AGPAT3: variants seen among roughly 807,000 people sequenced by gnomAD.
The protein encoded by AGPAT3 is 1-acylglycerol-3-phosphate O-acyltransferase 3.
A neutral mutation model predicts 47.3 loss-of-function variants in AGPAT3; 5 were observed. The observed-to-expected ratio is 0.11, with a 90% CI of 0.06 to 0.22. The LOEUF (loss-of-function observed/expected upper bound fraction) is 0.22, where lower values mean the gene tolerates loss of function less well. AGPAT3 is among the 10% of genes least tolerant of loss of function. The pLI, the probability that AGPAT3 is intolerant of heterozygous loss-of-function variation, is 1.00. For synonymous variants in AGPAT3, 212 were observed against 208.3 expected (o/e 1.02, Z -0.15); for missense variants, 315 against 493.0 (o/e 0.64, Z 3.42).
intron 8 of AGPAT3, among the ~76,000 whole-genome samples, chr21:43,980,737 G>A (rs928679300): frequency 1.3e-5 from 2 of 152,170 alleles, no homozygotes; most frequent in African/African-American, 2.4e-5. Flanking sequence ...TTTCTTGACC[G>A]ATTATTTTCC....
rs531156256 is a variant in AGPAT3, at chr21:43,978,844, G to A, written c.843+723G>A. 1.1e-4 allele frequency among the ~76,000 whole-genome samples: 17 copies of A among 152,224 alleles called. No individual in the cohort carries two copies. In the South Asian group the frequency reaches 3.3e-3, roughly 30 times the overall value. Reference sequence around the variant, plus strand: ...CTCAGTTCTTATTTCTTTCCCCCACGGCTTACTCAGCCCAAGAACTACTTT... The same window carrying A: ...CTCAGTTCTTATTTCTTTCCCCCACAGCTTACTCAGCCCAAGAACTACTTT... On this transcript the variant is annotated intron_variant, in intron 8 of 9. Transcript: ENST00000291572.
intron 7 of AGPAT3, among the ~76,000 whole-genome samples, chr21:43,971,787 C>T (rs1288218533): frequency 6.6e-6 from 1 of 152,208 alleles, no homozygotes; most frequent in Non-Finnish European, 1.5e-5. Flanking sequence ...AATCATTGAC[C>T]TGGCTTTCGA....
intron 2 of AGPAT3, among the ~76,000 whole-genome samples, chr21:43,918,555 C>G (rs996159063): frequency 2.7e-5 from 4 of 150,272 alleles, no homozygotes; most frequent in African/African-American, 9.8e-5. Context: ...CTTTGTGTGT[C>G]TCTGTAAATC....
intron 2 of AGPAT3, among the ~76,000 whole-genome samples, chr21:43,926,034 T>C (rs961568185): frequency 4.6e-5 from 7 of 152,228 alleles, no homozygotes; most frequent in African/African-American, 1.7e-4. Context: ...GAGAAGTCTG[T>C]GATATTTTGG....
At chr21:43,956,200 A>G (rs1357587211) in intron 2 of AGPAT3, among the ~76,000 whole-genome samples, 2 of 152,204 alleles carry the variant, frequency 1.3e-5, no homozygotes, top group African/African-American at 4.8e-5. Flanking sequence ...CTCTAGCTCA[A>G]GAAAGGCGTT....
At chr21:43,962,298 G>A (rs929080440) in intron 3 of AGPAT3, among the ~76,000 whole-genome samples, 7 of 152,036 alleles carry the variant, frequency 4.6e-5, no homozygotes, top group Non-Finnish European at 8.8e-5. Context: ...CACCGCGCCC[G>A]GCCAGTTTGT....
In AGPAT3 at chr21:43,955,767, A is replaced by G. The variant is rs529395455; in HGVS notation, c.-48-3867A>G. On this transcript the variant is annotated intron_variant, in intron 2 of 9. Coordinates refer to ENST00000291572, the MANE Select transcript of AGPAT3 (RefSeq NM_020132.5). The surrounding 1 kb of genome is among the most constrained non-coding windows in gnomAD (Gnocchi z 4.1). The stretch of plus-strand genomic sequence containing the variant: ...CTAAACATACAAAAATTTGCTGGAC[A>G]TGGTGGTGCATACCTGTGGTCCCAG... Among the ~76,000 whole-genome samples the G allele has an allele frequency of 8.6e-5, 13 of 151,882 alleles. No individual in the cohort carries two copies. The East Asian group carries it at 2.0e-3, about 23-fold the overall frequency.
intron 1 of AGPAT3, among the ~76,000 whole-genome samples, chr21:43,900,713 C>T (rs189430305): frequency 2.0e-4 from 31 of 152,174 alleles, no homozygotes; most frequent in African/African-American, 6.5e-4. Flanking sequence ...GCACAGTCCC[C>T]GAGTTCACAG....
At chr21:43,907,731 C>CA (rs1220229305) in intron 2 of AGPAT3, among the ~76,000 whole-genome samples, 1 of 152,052 alleles carries the variant, frequency 6.6e-6, no homozygotes, top group Admixed American at 6.6e-5. Context: ...ACAACAACAA[C>CA]AAAAAAACCG....
At chr21:43,913,854 T>C (rs964961527) in intron 2 of AGPAT3, among the ~76,000 whole-genome samples, 1 of 152,220 alleles carries the variant, frequency 6.6e-6, no homozygotes, top group South Asian at 2.1e-4. Context: ...ACCTCTAATA[T>C]GGTGTTGATA....
chr21:43,963,707 CAAAAAAAAAAA>C (rs10582784), intron 3 of AGPAT3, among the ~76,000 whole-genome samples: 11 of 65,736 alleles, frequency 1.7e-4, no homozygotes, highest in Non-Finnish European at 2.7e-4. Context: ...GACTCTGTCT[CAAAAAAAAAAA>C]AAAAAAAAAA....
At position 43,922,183 on chromosome 21, in the gene AGPAT3, G is replaced by A. The variant is rs1004454038; in HGVS notation, c.-49+18164G>A. The stretch of plus-strand genomic sequence containing the variant: ...GCATGTGGAGGCCCAGGCTTGTGGG[G>A]GAGTCGCACAGAGCACGTGTGTGAT... On this transcript the variant is annotated intron_variant, in intron 2 of 9. Transcript: ENST00000291572. This position sits in a 1 kb window ranked among gnomAD's most constrained non-coding sequence, Gnocchi z 4.9. Among the ~76,000 whole-genome samples, 7 of 152,130 alleles carry A rather than the reference G, an allele frequency of 4.6e-5. No individual in the cohort carries two copies. Among genetic ancestry groups the A allele is most frequent in the South Asian group, 4.1e-4 (2 of 4,826 alleles).
At chr21:43,967,925 A>G in intron 3 of AGPAT3, 21 bp from the exon 4 acceptor site, 1 of 1,610,102 alleles carries the variant, frequency 6.2e-7, no homozygotes, top group South Asian at 1.1e-5. Context: ...ACCAGTGCCA[A>G]CGCCCTCCCC....
At chr21:43,904,096 G>GTGTA (rs2086427706) in intron 2 of AGPAT3, 77 bp downstream of exon 2, 1 of 147,790 alleles carries the variant, frequency 6.8e-6, no homozygotes, top group African/African-American at 2.7e-5. Flanking sequence ...GTGTGTGTGT[G>GTGTA]TGTGTGTATG....
intron 4 of AGPAT3, among the ~76,000 whole-genome samples, chr21:43,968,500 C>T (rs1569100756): frequency 6.6e-6 from 1 of 151,244 alleles, no homozygotes; most frequent in African/African-American, 2.4e-5. Context: ...GCTGGGAGAG[C>T]CTTGGGTTTC....
chr21:43,940,842 C>T (rs765562963), intron 2 of AGPAT3, among the ~76,000 whole-genome samples: 6 of 152,218 alleles, frequency 3.9e-5, no homozygotes, highest in Non-Finnish European at 5.9e-5. Flanking sequence ...GAGTCCGTGC[C>T]GGCTCTTACT....
At chr21:43,909,957 G>A (rs1423869620) in intron 2 of AGPAT3, among the ~76,000 whole-genome samples, 2 of 152,186 alleles carry the variant, frequency 1.3e-5, no homozygotes, top group Non-Finnish European at 2.9e-5. Context: ...GTCTGCACCA[G>A]GGTGCCCCAG....
Position 43,934,047 on chromosome 21 carries a change from G to A in AGPAT3, c.-48-25587G>A, listed in dbSNP as rs1297778150. ...GCTGCCGAATGCCGTACCAGGGCAG[G>A]GGCAGTGGAGCAGGTGTCTGCCCTA... On this transcript the variant is annotated intron_variant, in intron 2 of 9. Coordinates refer to ENST00000291572, the MANE Select transcript of AGPAT3 (RefSeq NM_020132.5). The surrounding 1 kb of genome is among the most constrained non-coding windows in gnomAD (Gnocchi z 4.7). 6.6e-6 allele frequency among the ~76,000 whole-genome samples: 1 copy of A among 152,232 alleles called. No individual in the cohort carries two copies. The highest frequency in any genetic ancestry group is 1.5e-5 in the Non-Finnish European group (1 of 68,040).
At chr21:43,918,221 G>A (rs957129609) in intron 2 of AGPAT3, among the ~76,000 whole-genome samples, 2 of 151,072 alleles carry the variant, frequency 1.3e-5, no homozygotes, top group Admixed American at 6.6e-5. Flanking sequence ...GTGTTGCGGC[G>A]GTTGTGGGTG....
Sources: allele counts gnomAD v4.1 joint callset (sites outside exome capture counted in the v4.1 genomes callset), GRCh38; gene constraint gnomAD v4.1.1; non-coding constraint Gnocchi (gnomAD v3.1); transcripts MANE v1.5; gene names NCBI Gene and HGNC (gene_info 2026-07-23, HGNC 2026-07-21).